The following FMNL2 variants were observed in gnomAD, a reference collection of about 807,000 sequenced individuals.
FMNL2 encodes formin-like protein 2.
In FMNL2, 51 loss-of-function variants were observed where a neutral mutation model predicts 130.2. The ratio of observed to expected loss-of-function variants is 0.39; its 90% CI spans 0.31 to 0.49. The LOEUF (loss-of-function observed/expected upper bound fraction) is 0.49, where lower values mean the gene tolerates loss of function less well. Ranked by LOEUF, FMNL2 falls within the 20% of genes least tolerant of loss-of-function variation. The pLI, the probability that FMNL2 is intolerant of heterozygous loss-of-function variation, is 0.85. For synonymous variants in FMNL2, 465 were observed against 467.1 expected, an observed-to-expected ratio of 1.00 and a Z score of 0.06; for missense variants, 977 against 1,316.2, an observed-to-expected ratio of 0.74 and a Z score of 3.99.
chr2:152,564,776 G>GTTTTTTTTTTTTTT (rs56378937), intron 6 of FMNL2, among the ~76,000 whole-genome samples: 6 of 79,328 alleles, frequency 7.6e-5, no homozygotes, highest in Admixed American at 1.7e-4. Context: ...TACAAGGTTG[G>GTTTTTTTTTTTTTT]TTTTTTTTTT....
intron 1 of FMNL2, among the ~76,000 whole-genome samples, chr2:152,399,441 A>T: frequency 6.6e-6 from 1 of 152,292 alleles, no homozygotes; most frequent in East Asian, 1.9e-4. Context: ...GCAGCTTATT[A>T]AGTATTTTCT....
At chr2:152,637,055 A>G (rs1221053024) in intron 22 of FMNL2, among the ~76,000 whole-genome samples, 1 of 152,208 alleles carries the variant, frequency 6.6e-6, no homozygotes, top group Non-Finnish European at 1.5e-5. Context: ...ATGGGGACTC[A>G]GAAAGCAGAT....
intron 18 of FMNL2, among the ~76,000 whole-genome samples, chr2:152,629,219 C>G (rs576747033): frequency 2.3e-3 from 353 of 152,282 alleles, no homozygotes; most frequent in Non-Finnish European, 3.6e-3. Context: ...AAAACATGTT[C>G]TGAGAACTTC....
chr2:152,370,504 G>A (rs1683815475), intron 1 of FMNL2, among the ~76,000 whole-genome samples: 1 of 152,144 alleles, frequency 6.6e-6, no homozygotes, highest in South Asian at 2.1e-4. Context: ...ATTACCATTA[G>A]GAGGACTACA....
chr2:152,346,895 G>C (rs1474123639), intron 1 of FMNL2, among the ~76,000 whole-genome samples: 1 of 151,880 alleles, frequency 6.6e-6, no homozygotes, highest in Non-Finnish European at 1.5e-5. Context: ...TTCGAGACCA[G>C]CCTGGCCAAC....
chr2:152,403,346 G>C (rs1017913198), intron 1 of FMNL2, among the ~76,000 whole-genome samples: 2 of 152,068 alleles, frequency 1.3e-5, no homozygotes, highest in Admixed American at 6.5e-5. Flanking sequence ...GAGAGAGGAG[G>C]ATCTATCTAA....
At chr2:152,460,901 T>C (rs1315393448) in intron 1 of FMNL2, among the ~76,000 whole-genome samples, 1 of 152,214 alleles carries the variant, frequency 6.6e-6, no homozygotes, top group Non-Finnish European at 1.5e-5. Context: ...AATTATTTCG[T>C]TATATATTAC....
At chr2:152,615,516 A>G (rs1243754925) in intron 12 of FMNL2, among the ~76,000 whole-genome samples, 1 of 152,166 alleles carries the variant, frequency 6.6e-6, no homozygotes, top group Non-Finnish European at 1.5e-5. Context: ...TTTCTCATAT[A>G]TCCTGTTCTT....
chr2:152,449,669 T>G (rs1688526863), intron 1 of FMNL2, among the ~76,000 whole-genome samples: 2 of 152,202 alleles, frequency 1.3e-5, no homozygotes, highest in Non-Finnish European at 2.9e-5. Flanking sequence ...TTGTTTTCAC[T>G]GCTTGGTTAC....
rs1559015278 is a variant in FMNL2, at chr2:152,619,566, C to G, written c.1685C>G (p.Pro562Arg). The change falls in exon 15 of 26, where the codon CCT becomes CGT. Residue 562 changes from proline (P) to arginine (R), a missense_variant. By Grantham distance (103) the Pro-to-Arg change is moderately radical. Coordinates refer to ENST00000288670, the MANE Select transcript of FMNL2 (RefSeq NM_052905.4). ...CCGCCGCCGCCGCCCCCTCCTCCAC[C>G]TCCTCCTCCCCCACCGCCCCCTCCG... ...MPPPPPPPPPPPPPPPPPPPP... is the reference protein window; with the variant it reads ...MPPPPPPPPPRPPPPPPPPPP... The G allele has an allele frequency of 2.7e-6, 4 of 1,488,576 alleles. No homozygotes were observed. In the Admixed American group the frequency reaches 8.0e-5, roughly 30 times the overall value. The allele number at this position is 1,488,576 out of a possible 1,614,324, so 92.2% of individuals were successfully genotyped here. A position where few individuals can be genotyped will look rare whatever the true frequency, so the allele number is the denominator to read the frequency against.
At chr2:152,460,730 A>G (rs1415315716) in intron 1 of FMNL2, among the ~76,000 whole-genome samples, 1 of 152,100 alleles carries the variant, frequency 6.6e-6, no homozygotes, top group Non-Finnish European at 1.5e-5. Flanking sequence ...TGTGAATCCT[A>G]TTGTGAACTG....
At chr2:152,545,991 C>T (rs1266739949) in intron 3 of FMNL2, among the ~76,000 whole-genome samples, 8 of 152,056 alleles carry the variant, frequency 5.3e-5, no homozygotes, top group East Asian at 3.9e-4. Context: ...CCAAAAACAG[C>T]GCTGCTGCTG....
At chr2:152,553,334 CG>C (rs1446138396) in intron 4 of FMNL2, among the ~76,000 whole-genome samples, 4 of 152,060 alleles carry the variant, frequency 2.6e-5, no homozygotes, top group African/African-American at 9.7e-5. Flanking sequence ...TTATTAAGCA[CG>C]GTGTTAGGTA....
chr2:152,559,652 G>C (rs1293802156), intron 5 of FMNL2, among the ~76,000 whole-genome samples: 3 of 152,204 alleles, frequency 2.0e-5, no homozygotes, highest in African/African-American at 7.2e-5. Flanking sequence ...CTGTGTGAGA[G>C]TGAGGATGAG....
chr2:152,537,450 C>T (rs904278839), intron 2 of FMNL2, among the ~76,000 whole-genome samples: 6 of 152,162 alleles, frequency 3.9e-5, no homozygotes, highest in Admixed American at 3.9e-4. Context: ...TTATGAAAGG[C>T]ATTAGACGGC....
chr2:152,425,088 T>C (rs1687132261), intron 1 of FMNL2, among the ~76,000 whole-genome samples: 1 of 152,240 alleles, frequency 6.6e-6, no homozygotes, highest in Non-Finnish European at 1.5e-5. Flanking sequence ...CTGCTTATTT[T>C]ACATAAGTAG....
At chr2:152,441,413 T>C (rs1246525664) in intron 1 of FMNL2, among the ~76,000 whole-genome samples, 1 of 152,192 alleles carries the variant, frequency 6.6e-6, no homozygotes, top group Non-Finnish European at 1.5e-5. Flanking sequence ...AGTGCATGCA[T>C]GTAGTGCTAG....
intron 2 of FMNL2, among the ~76,000 whole-genome samples, chr2:152,537,098 G>GA (rs1405528672): frequency 2.0e-5 from 3 of 152,202 alleles, no homozygotes; most frequent in African/African-American, 7.2e-5. Context: ...ACGAACCAAA[G>GA]AAACAGTTCA....
chr2:152,389,990 G>T (rs1685012523), intron 1 of FMNL2: 15 of 1,492,680 alleles, frequency 1.0e-5, no homozygotes, highest in Non-Finnish European at 1.4e-5. Flanking sequence ...AGGCAGAGAG[G>T]CTGCAGCTAG....
Sources: allele counts gnomAD v4.1 joint callset (sites outside exome capture counted in the v4.1 genomes callset), GRCh38; gene constraint gnomAD v4.1.1; transcripts MANE v1.5; gene names NCBI Gene and HGNC (gene_info 2026-07-23, HGNC 2026-07-21).